Variants in ABCA12 observed in about 807,000 individuals in gnomAD.
The protein encoded by ABCA12 is ATP binding cassette subfamily A member 12.
ABCA12 carries 156 observed loss-of-function variants against 293.5 expected under a neutral mutation model. The ratio of observed to expected loss-of-function variants is 0.53; its 90% CI spans 0.47 to 0.61. The LOEUF is 0.61. Among genes scored for constraint, ABCA12 ranks in the 20% least tolerant of loss-of-function variants. The pLI is 0.00. For missense variants in ABCA12, 2,797 were observed against 3,090.2 expected, an observed-to-expected ratio of 0.91 and a Z score of 2.25; for synonymous variants, 1,063 against 1,108.0, an observed-to-expected ratio of 0.96 and a Z score of 0.81.
At chr2:215,049,052 G>A (rs549230592) in intron 6 of ABCA12, among the ~76,000 whole-genome samples, 1 of 152,216 alleles carries the variant, frequency 6.6e-6, no homozygotes, top group South Asian at 2.1e-4. Flanking sequence ...TAACTACTGA[G>A]TACTAGGCTT....
intron 17 of ABCA12, 65 bp downstream of exon 17, chr2:215,011,370 AAGAC>A (rs1204799910): frequency 2.2e-5 from 26 of 1,191,670 alleles, no homozygotes; most frequent in South Asian, 5.2e-5. Context: ...ATAAAAAACT[AAGAC>A]AGAATAGACA....
intron 41 of ABCA12, among the ~76,000 whole-genome samples, chr2:214,957,890 T>A (rs930294920): frequency 6.6e-6 from 1 of 152,226 alleles, no homozygotes; most frequent in African/African-American, 2.4e-5. Flanking sequence ...TACGTAAGGA[T>A]ATTTTGCTGC....
At chr2:214,958,596 G>T in intron 40 of ABCA12, 142 bp from the exon 41 acceptor site, 1 of 841,266 alleles carries the variant, frequency 1.2e-6, no homozygotes, top group Non-Finnish European at 1.9e-6. Context: ...AAGGCAGCCA[G>T]ATAATATTTC....
At chr2:215,092,947 A>G (rs990044962) in intron 2 of ABCA12, among the ~76,000 whole-genome samples, 3 of 152,104 alleles carry the variant, frequency 2.0e-5, no homozygotes, top group East Asian at 1.9e-4. Context: ...CTGTACTGCC[A>G]CAAGGCTTCA....
At chr2:215,013,384 A>T (rs1700417177) in intron 15 of ABCA12, among the ~76,000 whole-genome samples, 1 of 152,212 alleles carries the variant, frequency 6.6e-6, no homozygotes, top group South Asian at 2.1e-4. Context: ...TAAGGAAGTC[A>T]AAGACCAAGA....
chr2:214,944,934 G>A, intron 49 of ABCA12, 67 bp downstream of exon 49: 1 of 1,232,720 alleles, frequency 8.1e-7, no homozygotes. Context: ...TGTTATACAG[G>A]ATTACCTTTT....
chr2:215,058,398 A>G (rs4571054), intron 3 of ABCA12, among the ~76,000 whole-genome samples: 97,415 of 151,790 alleles, frequency 0.64, 31,903 homozygotes, highest in African/African-American at 0.77. Flanking sequence ...CAGATAATGG[A>G]ATTATTCAAC....
intron 8 of ABCA12, chr2:215,032,290 T>G (rs1197226999): frequency 4.2e-6 from 1 of 235,696 alleles, no homozygotes; most frequent in Non-Finnish European, 8.1e-6. Flanking sequence ...CTGGATTTTT[T>G]TTTTTTTTTT....
chr2:214,982,341 T>C lies in ABCA12; in HGVS notation c.4425A>G (p.Arg1475=). 1 of 1,614,118 alleles carries C rather than the reference T, an allele frequency of 6.2e-7. No homozygotes were observed. The highest frequency in any genetic ancestry group is 8.5e-7 in the Non-Finnish European group (1 of 1,179,982). Residue 1475 remains arginine (R), a synonymous_variant, in exon 30 of 53, where the codon AGA becomes AGG. Transcript: ENST00000272895. ...DTGLYSHRHK[R]VGTLSGGMKR... ...TCATGCCTCCTGACAGTGTTCCAAC[T>C]CTCTTATGACGATGGCTATATAGTC...
chr2:214,982,330 A>T lies in ABCA12; in HGVS notation c.4436T>A (p.Leu1479Gln). The T allele has an allele frequency of 1.2e-6, 2 of 1,614,108 alleles. No homozygotes were observed. Among genetic ancestry groups the T allele is most frequent in the Non-Finnish European group, 1.7e-6 (2 of 1,179,982 alleles). The change falls in exon 30 of 53, where the codon CTG (leucine) becomes CAG (glutamine). Residue 1479 changes from leucine to glutamine, a missense_variant. Coordinates refer to ENST00000272895, the MANE Select transcript of ABCA12 (RefSeq NM_173076.3). The part of the protein sequence containing the change: ...YSHRHKRVGT[L>Q]SGGMKRKLSI... ...TAACTTCCTCTTCATGCCTCCTGAC[A>T]GTGTTCCAACTCTCTTATGACGATG...
intron 49 of ABCA12, among the ~76,000 whole-genome samples, 180 bp from the exon 50 acceptor site, chr2:214,943,197 G>A (rs1464685776): frequency 6.6e-6 from 1 of 152,132 alleles, no homozygotes; most frequent in East Asian, 1.9e-4. Context: ...GAGTGCAGTG[G>A]CTTGAACATG....
intron 36 of ABCA12, among the ~76,000 whole-genome samples, chr2:214,972,548 CACGTG>C (rs1699409426): frequency 6.6e-6 from 1 of 152,034 alleles, no homozygotes; most frequent in South Asian, 2.1e-4. Flanking sequence ...GCTGGGACTA[CACGTG>C]CACACCACTA....
chr2:215,073,306 T>C (rs997717723), intron 2 of ABCA12, among the ~76,000 whole-genome samples: 1 of 152,038 alleles, frequency 6.6e-6, no homozygotes, highest in African/African-American at 2.4e-5. Context: ...TGGCAACTAT[T>C]TTTCCCCTCT....
intron 4 of ABCA12, among the ~76,000 whole-genome samples, chr2:215,052,870 C>T (rs16853249): frequency 0.059 from 9,034 of 152,156 alleles, 887 homozygotes; most frequent in African/African-American, 0.2. Context: ...TCATCACCAA[C>T]ATTATTGCCC....
At chr2:214,981,258 A>G (rs1699645548) in intron 30 of ABCA12, among the ~76,000 whole-genome samples, 2 of 152,136 alleles carry the variant, frequency 1.3e-5, no homozygotes, top group Admixed American at 6.6e-5. Flanking sequence ...TTCACAGTCT[A>G]TTAGAATTTT....
chr2:215,017,603 C>G (rs1207343580), intron 14 of ABCA12: 1 of 168,604 alleles, frequency 5.9e-6, no homozygotes, highest in Non-Finnish European at 1.3e-5. Context: ...GGTACAAATT[C>G]ACCTCATACA....
rs149104444 is a variant in ABCA12 at position 215,119,247 on chromosome 2, A to G, written c.70-7557T>C. Among the ~76,000 whole-genome samples the G allele has an allele frequency of 5.8e-3, 885 of 152,340 alleles. 10 individuals are homozygous for G. Among genetic ancestry groups the G allele is most frequent in the African/African-American group, 0.02 (847 of 41,578 alleles). The stretch of plus-strand genomic sequence containing the variant: ...TGGCCTCCCAAAGTACTGGGATTAC[A>G]GGCATGAGCCACTACTCCCTGCTGA... On this transcript the variant is annotated intron_variant, in intron 1 of 52. Transcript: ENST00000272895.
At chr2:215,018,963 C>T (rs1700564639) in intron 13 of ABCA12, among the ~76,000 whole-genome samples, 1 of 152,170 alleles carries the variant, frequency 6.6e-6, no homozygotes, top group Non-Finnish European at 1.5e-5. Context: ...TTTCTGTAGA[C>T]AACAGTGCAT....
intron 50 of ABCA12, among the ~76,000 whole-genome samples, chr2:214,941,986 T>A (rs561252916): frequency 6.6e-6 from 1 of 152,338 alleles, no homozygotes; most frequent in Admixed American, 6.5e-5. Context: ...TGTGTGAATT[T>A]GATCCTGTCA....
Sources: gnomAD v4.1 joint callset for allele counts (sites outside exome capture counted in the v4.1 genomes callset) on GRCh38, gnomAD v4.1.1 for gene constraint, MANE v1.5 for transcripts, NCBI Gene and HGNC (gene_info 2026-07-23, HGNC 2026-07-21) for gene names.